Variants in KCTD16 observed in about 807,000 individuals in gnomAD.
KCTD16 encodes the protein potassium channel tetramerization domain containing 16.
A neutral mutation model predicts 33.2 loss-of-function variants in KCTD16; 13 were observed. The observed-to-expected ratio is 0.39, with a 90% CI of 0.25 to 0.62. The LOEUF (loss-of-function observed/expected upper bound fraction) is 0.62. KCTD16 is among the 20% of genes least tolerant of loss of function. The pLI is 0.50. For synonymous variants in KCTD16, 197 were observed against 195.3 expected, an observed-to-expected ratio of 1.01 and a Z score of -0.07; for missense variants, 441 against 525.1, an observed-to-expected ratio of 0.84 and a Z score of 1.57.
At position 144,399,056 on chromosome 5, in the gene KCTD16, G is replaced by A. The variant is rs1241849591; in HGVS notation, c.833-74604G>A. ...ATACAGAGGAGCAATACACTCATTT[G>A]TATTCTCTTAAAGCTAGTGTTGACT... On this transcript the variant is annotated intron_variant, in intron 3 of 3. Coordinates refer to ENST00000512467, the MANE Select transcript of KCTD16 (RefSeq NM_020768.4). Among the ~76,000 whole-genome samples, 2 of 152,116 alleles carry A rather than the reference G, an allele frequency of 1.3e-5. 1 individual carries two copies. Among genetic ancestry groups the A allele is most frequent in the South Asian group, 4.1e-4 (2 of 4,824 alleles).
At chr5:144,422,406 T>A (rs1753231155) in intron 3 of KCTD16, among the ~76,000 whole-genome samples, 1 of 152,180 alleles carries the variant, frequency 6.6e-6, no homozygotes, top group African/African-American at 2.4e-5. Flanking sequence ...TTCAAACGGA[T>A]CCACAAGTAG....
At chr5:144,203,269 T>C (rs1414889602) in intron 2 of KCTD16, among the ~76,000 whole-genome samples, 11 of 152,132 alleles carry the variant, frequency 7.2e-5, no homozygotes, top group African/African-American at 2.7e-4. Flanking sequence ...TTAATATTAA[T>C]ATTAATTCTT....
intron 3 of KCTD16, among the ~76,000 whole-genome samples, chr5:144,263,944 C>T (rs1755075747): frequency 6.6e-6 from 1 of 152,176 alleles, no homozygotes; most frequent in Non-Finnish European, 1.5e-5. Flanking sequence ...TTTTCCTGTA[C>T]TTATAAGGGC....
intron 3 of KCTD16, among the ~76,000 whole-genome samples, chr5:144,287,850 T>C (rs1282884027): frequency 6.6e-6 from 1 of 151,966 alleles, no homozygotes; most frequent in Non-Finnish European, 1.5e-5. Context: ...TGGCCAAGCT[T>C]GTCTCGAACT....
intron 3 of KCTD16, among the ~76,000 whole-genome samples, chr5:144,467,248 C>CT (rs1561619147): frequency 2.0e-5 from 3 of 151,268 alleles, no homozygotes; most frequent in Non-Finnish European, 4.4e-5. Context: ...TAAATATTTT[C>CT]CATTCTAATG....
chr5:144,421,536 C>T (rs1255358468), intron 3 of KCTD16, among the ~76,000 whole-genome samples: 7 of 152,082 alleles, frequency 4.6e-5, no homozygotes, highest in Non-Finnish European at 1.0e-4. Context: ...GTTCCTTGGA[C>T]TCAGTTTGAA....
intron 2 of KCTD16, among the ~76,000 whole-genome samples, chr5:144,183,954 C>T (rs1752676023): frequency 6.6e-6 from 1 of 152,184 alleles, no homozygotes; most frequent in Admixed American, 6.5e-5. Context: ...CCTTGAACTA[C>T]CTCACCCTTT....
chr5:144,409,042 T>C (rs948933212), intron 3 of KCTD16, among the ~76,000 whole-genome samples: 5 of 152,148 alleles, frequency 3.3e-5, no homozygotes, highest in African/African-American at 1.2e-4. Context: ...GAGGACTGAG[T>C]CCTTACTTCT....
intron 3 of KCTD16, among the ~76,000 whole-genome samples, chr5:144,245,384 G>A (rs1754521664): frequency 6.6e-6 from 1 of 152,228 alleles, no homozygotes; most frequent in Non-Finnish European, 1.5e-5. Flanking sequence ...AGTTATGGTT[G>A]CGGTGCGACT....
intron 2 of KCTD16, among the ~76,000 whole-genome samples, chr5:144,191,233 G>A (rs1752835027): frequency 6.6e-6 from 1 of 152,178 alleles, no homozygotes; most frequent in South Asian, 2.1e-4. Context: ...AGGGATGCTG[G>A]GGAGAGGGTA....
chr5:144,189,866 C>T (rs926931481), intron 2 of KCTD16, among the ~76,000 whole-genome samples: 24 of 152,270 alleles, frequency 1.6e-4, no homozygotes, highest in African/African-American at 5.5e-4. Flanking sequence ...CCTTCCTTCT[C>T]CACAGTGGCT....
chr5:144,215,623 A>G lies in KCTD16; in HGVS notation c.832+8077A>G, dbSNP rs941579998. ...TTTCCTCAACTGTAAAATGGAAAGG[A>G]TAACAATAGTACTTGCCACATAGAG... On this transcript the variant is annotated intron_variant, in intron 3 of 3. Transcript: ENST00000512467. 3.3e-5 allele frequency among the ~76,000 whole-genome samples: 5 copies of G among 152,206 alleles called. No individual in the cohort carries two copies. In the East Asian group the frequency reaches 5.8e-4, roughly 18 times the overall value.
intron 3 of KCTD16, among the ~76,000 whole-genome samples, chr5:144,327,864 G>T (rs1442406640): frequency 1.3e-5 from 2 of 151,950 alleles, no homozygotes; most frequent in African/African-American, 4.8e-5. Context: ...TTGCTGGTTT[G>T]CAGCTTTCCG....
intron 1 of KCTD16, among the ~76,000 whole-genome samples, chr5:144,172,693 C>T (rs2126768153): frequency 6.6e-6 from 1 of 152,266 alleles, no homozygotes; most frequent in East Asian, 1.9e-4. Flanking sequence ...TTTACTTACC[C>T]TCAGCATAAT....
At chr5:144,301,409 A>G (rs971561782) in intron 3 of KCTD16, among the ~76,000 whole-genome samples, 3 of 152,178 alleles carry the variant, frequency 2.0e-5, no homozygotes, top group Admixed American at 6.6e-5. Context: ...TGTAGGCTAT[A>G]TAAGTAGGTA....
intron 3 of KCTD16, among the ~76,000 whole-genome samples, chr5:144,342,734 T>G (rs185781854): frequency 6.6e-6 from 1 of 152,172 alleles, no homozygotes; most frequent in African/African-American, 2.4e-5. Flanking sequence ...ATAGCTCTTA[T>G]TAGTTTGAGA....
intron 3 of KCTD16, among the ~76,000 whole-genome samples, chr5:144,430,195 G>A (rs1753427661): frequency 6.6e-6 from 1 of 151,988 alleles, no homozygotes; most frequent in African/African-American, 2.4e-5. Context: ...TTCCAACTTG[G>A]CAAGCATACT....
chr5:144,410,068 A>G (rs148555474), intron 3 of KCTD16, among the ~76,000 whole-genome samples: 6 of 152,298 alleles, frequency 3.9e-5, no homozygotes, highest in African/African-American at 7.2e-5. Context: ...TAAAGCCTCA[A>G]TGGGACAGAA....
chr5:144,412,720 T>C (rs1201828004), intron 3 of KCTD16, among the ~76,000 whole-genome samples: 1 of 152,070 alleles, frequency 6.6e-6, no homozygotes, highest in Non-Finnish European at 1.5e-5. Flanking sequence ...CCCCCATCTC[T>C]ACTAAAAATA....
Sources: gnomAD v4.1 joint callset for allele counts (sites outside exome capture counted in the v4.1 genomes callset) on GRCh38, gnomAD v4.1.1 for gene constraint, MANE v1.5 for transcripts, NCBI Gene and HGNC (gene_info 2026-07-23, HGNC 2026-07-21) for gene names.